TDRD12: variants seen among roughly 807,000 people sequenced by gnomAD.
TDRD12 encodes the protein tudor domain containing 12, also known as putative ATP-dependent RNA helicase TDRD12.
A neutral mutation model predicts 133.5 loss-of-function variants in TDRD12; 158 were observed. The observed-to-expected ratio is 1.18, with a 90% CI of 1.04 to 1.35. The LOEUF (loss-of-function observed/expected upper bound fraction) is 1.35. Ranked by LOEUF, TDRD12 falls within the 40% of genes most tolerant of loss-of-function variation. TDRD12 has a pLI of 0.00. For synonymous variants in TDRD12, 460 were observed against 477.9 expected, an observed-to-expected ratio of 0.96 and a Z score of 0.49; for missense variants, 1,443 against 1,321.3, an observed-to-expected ratio of 1.09 and a Z score of -1.43.
At chr19:32,761,719 T>G (rs1275138091) in intron 8 of TDRD12, among the ~76,000 whole-genome samples, 2 of 152,146 alleles carry the variant, frequency 1.3e-5, no homozygotes, top group Non-Finnish European at 2.9e-5. Flanking sequence ...AGATGGAGTC[T>G]TGTGCTGTCA....
At chr19:32,814,753 C>T (rs1402325046) in intron 25 of TDRD12, among the ~76,000 whole-genome samples, 4 of 152,274 alleles carry the variant, frequency 2.6e-5, no homozygotes, top group Non-Finnish European at 2.9e-5. Flanking sequence ...TCACCATCTC[C>T]ACCCGTTCCT....
chr19:32,784,758 C>G (rs1970859392), intron 11 of TDRD12, among the ~76,000 whole-genome samples: 1 of 152,130 alleles, frequency 6.6e-6, no homozygotes, highest in Non-Finnish European at 1.5e-5. Context: ...TCTAGATTTT[C>G]TAGTTTATTT....
chr19:32,757,251 T>C (rs1970023059), intron 8 of TDRD12, 121 bp downstream of exon 8: 1 of 799,758 alleles, frequency 1.3e-6, no homozygotes, highest in South Asian at 1.8e-5. Flanking sequence ...CTTAATTTAA[T>C]GTAACCAATT....
chr19:32,772,388 A>G (rs1970465929), intron 8 of TDRD12, among the ~76,000 whole-genome samples: 1 of 152,144 alleles, frequency 6.6e-6, no homozygotes, highest in Non-Finnish European at 1.5e-5. Context: ...ACAGGAAAGG[A>G]TCATAGAGCC....
exon 10 of TDRD12, chr19:32,827,372 C>CTTTTCTTTT (rs61327156): frequency 2.5e-4 from 31 of 122,394 alleles, no homozygotes; most frequent in African/African-American, 1.2e-3. Flanking sequence ...CTTTTCTTTT[C>CTTTTCTTTT]TTTTTTTTTT....
At chr19:32,821,369 AGTGTGTGTGTGTGT>A (rs59054756), downstream of TDRD12, 1,424 of 351,364 alleles carry the variant, frequency 4.1e-3, 6 homozygotes, top group African/African-American at 0.022. Context: ...AGCTCAGCAG[AGTGTGTGTGTGTGT>A]GTGTGTGTGT....
At chr19:32,780,039 T>G (rs2145626424) in intron 11 of TDRD12, among the ~76,000 whole-genome samples, 1 of 152,222 alleles carries the variant, frequency 6.6e-6, no homozygotes, top group African/African-American at 2.4e-5. Flanking sequence ...GCCCACTGAT[T>G]GAAGATGGAA....
intron 2 of TDRD12, among the ~76,000 whole-genome samples, chr19:32,734,576 T>G (rs960482169): frequency 2.0e-5 from 3 of 152,088 alleles, no homozygotes; most frequent in Non-Finnish European, 4.4e-5. Context: ...TTTCGCCATG[T>G]TGCCCAGGCT....
intron 14 of TDRD12, chr19:32,796,174 G>C (rs1346365269): frequency 1.0e-6 from 1 of 985,330 alleles, no homozygotes; most frequent in Non-Finnish European, 1.2e-6. Flanking sequence ...GGCACTGAGG[G>C]TGCTCCAGAC....
At chr19:32,824,298 G>C (rs2145769505), downstream of TDRD12, 1 of 152,702 alleles carries the variant, frequency 6.5e-6, no homozygotes, top group East Asian at 1.9e-4. Context: ...ATCACAGTTA[G>C]GGCAGCATTC....
At chr19:32,722,584 C>G (rs951558140) in intron 1 of TDRD12, among the ~76,000 whole-genome samples, 34 of 152,170 alleles carry the variant, frequency 2.2e-4, no homozygotes, top group African/African-American at 8.2e-4. Flanking sequence ...TACACAATGG[C>G]ATATTATTTA....
chr19:32,733,865 A>C (rs927698845), intron 2 of TDRD12, among the ~76,000 whole-genome samples: 12 of 149,538 alleles, frequency 8.0e-5, no homozygotes, highest in Non-Finnish European at 1.8e-4. Context: ...CCTTTTTTAA[A>C]TTTTTTTAAT....
intron 6 of TDRD12, among the ~76,000 whole-genome samples, chr19:32,753,375 A>G (rs1436254828): frequency 6.6e-6 from 1 of 151,924 alleles, no homozygotes; most frequent in Non-Finnish European, 1.5e-5. Flanking sequence ...TTATTTATTC[A>G]TTTATTTTTT....
At chr19:32,761,114 T>C (rs1240777763) in intron 8 of TDRD12, among the ~76,000 whole-genome samples, 2 of 152,058 alleles carry the variant, frequency 1.3e-5, no homozygotes, top group African/African-American at 4.8e-5. Flanking sequence ...ACGTTTCTTG[T>C]TTTTGTTTTG....
chr19:32,749,246 A>C (rs1969749378), intron 5 of TDRD12, among the ~76,000 whole-genome samples: 1 of 152,048 alleles, frequency 6.6e-6, no homozygotes, highest in South Asian at 2.1e-4. Flanking sequence ...GGGAGATGAG[A>C]ATGCGGGTCT....
At chr19:32,774,912 GA>G (rs1970538081) in intron 10 of TDRD12, among the ~76,000 whole-genome samples, 1 of 151,950 alleles carries the variant, frequency 6.6e-6, no homozygotes, top group African/African-American at 2.4e-5. Flanking sequence ...TTGAACCCAG[GA>G]GGCGGGGTTT....
chr19:32,814,074 C>G (rs796913498), intron 25 of TDRD12, among the ~76,000 whole-genome samples: 6 of 152,356 alleles, frequency 3.9e-5, no homozygotes, highest in African/African-American at 1.4e-4. Context: ...ATGCTACATT[C>G]TCTGATGCTG....
At chr19:32,773,925 T>A (rs1186935940) in intron 10 of TDRD12, among the ~76,000 whole-genome samples, 1 of 152,190 alleles carries the variant, frequency 6.6e-6, no homozygotes, top group Non-Finnish European at 1.5e-5. Context: ...CCTCTTTGCC[T>A]TTTTGGACAG....
chr19:32,777,869 T>A (rs1390586638), intron 11 of TDRD12, among the ~76,000 whole-genome samples: 2 of 78,734 alleles, frequency 2.5e-5, no homozygotes, highest in Non-Finnish European at 2.7e-5. Flanking sequence ...TTTTTTTTTT[T>A]TTTTTTTTTT....
Sources: gnomAD v4.1 joint callset for allele counts (sites outside exome capture counted in the v4.1 genomes callset) on GRCh38, gnomAD v4.1.1 for gene constraint, MANE v1.5 for transcripts, NCBI Gene and HGNC (gene_info 2026-07-23, HGNC 2026-07-21) for gene names.